PCDHGB7: variants seen among roughly 807,000 people sequenced by gnomAD.
PCDHGB7 encodes the protein protocadherin gamma subfamily B, 7.
PCDHGB7 carries 37 observed loss-of-function variants against 61.4 expected under a neutral mutation model. The observed-to-expected ratio is 0.60, with a 90% CI of 0.46 to 0.79. The LOEUF (loss-of-function observed/expected upper bound fraction) is 0.79, where lower values mean the gene tolerates loss of function less well. PCDHGB7 is among the 30% of genes least tolerant of loss of function. PCDHGB7 has a pLI of 0.00. For missense variants in PCDHGB7, 1,166 were observed against 1,202.5 expected, an observed-to-expected ratio of 0.97 and a Z score of 0.45; for synonymous variants, 464 against 503.5, an observed-to-expected ratio of 0.92 and a Z score of 1.05.
rs769607720 is a variant in PCDHGB7 at position 141,489,346 on chromosome 5, G to A, written c.2416-5461G>A. 4 of 1,611,652 alleles carry A rather than the reference G, an allele frequency of 2.5e-6. No individual in the cohort carries two copies. The highest frequency in any genetic ancestry group is 3.4e-6 in the Non-Finnish European group (4 of 1,178,446). On this transcript the variant is annotated intron_variant, in intron 1 of 3. Transcript: ENST00000398594. The surrounding 1 kb of genome is among the most constrained non-coding windows in gnomAD (Gnocchi z 4.5). Reference sequence around the variant, plus strand: ...GTCTGGGCAGCTTCGTTACTCAGTGGTGGAGGAGTCTGAGCCGGGGACGCT... The same window carrying A: ...GTCTGGGCAGCTTCGTTACTCAGTGATGGAGGAGTCTGAGCCGGGGACGCT...
rs763097687 is a variant in PCDHGB7 at position 141,489,361 on chromosome 5, C to G, written c.2416-5446C>G. On this transcript the variant is annotated intron_variant, in intron 1 of 3. Transcript: ENST00000398594. This position sits in a 1 kb window ranked among gnomAD's most constrained non-coding sequence, Gnocchi z 4.5. Reference sequence around the variant, plus strand: ...TTACTCAGTGGTGGAGGAGTCTGAGCCGGGGACGCTGGTGGGGAATGTTGC... The same window carrying G: ...TTACTCAGTGGTGGAGGAGTCTGAGGCGGGGACGCTGGTGGGGAATGTTGC... 6.2e-7 allele frequency: 1 copy of G among 1,612,762 alleles called. No homozygotes were observed. Among genetic ancestry groups the G allele is most frequent in the African/African-American group, 1.3e-5 (1 of 74,874 alleles).
intron 1 of PCDHGB7, among the ~76,000 whole-genome samples, chr5:141,492,559 C>G (rs533830391): frequency 2.0e-5 from 3 of 152,174 alleles, no homozygotes; most frequent in Non-Finnish European, 4.4e-5. Context: ...GCCTGGGGGG[C>G]GGCCTGAGCG....
intron 2 of PCDHGB7, 145 bp downstream of exon 2, chr5:141,495,010 G>GT: frequency 6.6e-7 from 1 of 1,516,970 alleles, no homozygotes; most frequent in East Asian, 2.5e-5. Flanking sequence ...GTGTGCGGGG[G>GT]GCTGGCACAC....
rs551289441 is a variant in PCDHGB7, at chr5:141,444,102, C to T, written c.2415+23828C>T. ...TGAAAAGTCTGCTAAGGATTGGAAACCAAGAAAAGTGAAGTATCTCAACAG... is the reference window on the plus strand; with the variant it reads ...TGAAAAGTCTGCTAAGGATTGGAAATCAAGAAAAGTGAAGTATCTCAACAG... On this transcript the variant is annotated intron_variant, in intron 1 of 3. Coordinates refer to ENST00000398594, the MANE Select transcript of PCDHGB7 (RefSeq NM_018927.4). Among the ~76,000 whole-genome samples the T allele has an allele frequency of 1.5e-3, 216 of 144,128 alleles. 1 individual carries two copies. Among genetic ancestry groups the T allele is most frequent in the African/African-American group, 5.4e-3 (211 of 38,798 alleles). 94.6% of individuals were successfully genotyped at this position (144,128 alleles called of 152,430 possible).
At position 141,477,550 on chromosome 5, in the gene PCDHGB7, C is replaced by T. The variant is rs1262360790; in HGVS notation, c.2416-17257C>T. The T allele has an allele frequency of 4.3e-6, 7 of 1,614,178 alleles. No homozygotes were observed. The highest frequency in any genetic ancestry group is 5.9e-6 in the Non-Finnish European group (7 of 1,180,036). On this transcript the variant is annotated intron_variant, in intron 1 of 3. Transcript: ENST00000398594. This position sits in a 1 kb window ranked among gnomAD's most constrained non-coding sequence, Gnocchi z 4.9. ...ACCTCCCCGGGGCTCCAATACTAAACCTAAGTGTCTGGGACCCCGACGCCC... is the reference window on the plus strand; with the variant it reads ...ACCTCCCCGGGGCTCCAATACTAAATCTAAGTGTCTGGGACCCCGACGCCC...
chr5:141,505,210 A>G (rs899138393), intron 2 of PCDHGB7, among the ~76,000 whole-genome samples, 183 bp from the exon 3 acceptor site: 3 of 152,192 alleles, frequency 2.0e-5, no homozygotes, highest in African/African-American at 7.2e-5. Flanking sequence ...GGTTTGAGGG[A>G]CTGACTTGTG....
intron 1 of PCDHGB7, among the ~76,000 whole-genome samples, chr5:141,468,797 C>T (rs191599825): frequency 0.01 from 1,525 of 151,876 alleles, 28 homozygotes; most frequent in African/African-American, 0.035. Flanking sequence ...ACCCGGGAGG[C>T]GGAACTTGCA....
At chr5:141,450,826 A>C (rs965147554) in intron 1 of PCDHGB7, among the ~76,000 whole-genome samples, 1 of 134,302 alleles carries the variant, frequency 7.4e-6, no homozygotes, top group African/African-American at 2.9e-5. Context: ...TATTATTATT[A>C]TTATTTTTTT....
chr5:141,457,172 T>C (rs1425263344), intron 1 of PCDHGB7, among the ~76,000 whole-genome samples: 1 of 152,212 alleles, frequency 6.6e-6, no homozygotes, highest in East Asian at 1.9e-4. Context: ...ATAACCCTAT[T>C]GCAAATAGTA....
rs1197249074 is a variant in PCDHGB7 at position 141,438,579 on chromosome 5, CATACATACATACATATATAT to C, written c.2415+18309_2415+18328del. ...AAGAGGCAGCTGTCTGATATACATACATACATACATACATATATATATATATATATATATATATATATATA... is the reference window on the plus strand; with the variant it reads ...AAGAGGCAGCTGTCTGATATACATACATATATATATATATATATATATATA... On this transcript the variant is annotated intron_variant, in intron 1 of 3. Transcript: ENST00000398594. Among the ~76,000 whole-genome samples the C allele has an allele frequency of 5.3e-3, 298 of 55,734 alleles. 1 individual carries two copies. Among genetic ancestry groups the C allele is most frequent in the Admixed American group, 0.022 (77 of 3,542 alleles). The allele number at this position is 55,734 out of a possible 152,430, so 36.6% of individuals were successfully genotyped here.
intron 1 of PCDHGB7, chr5:141,427,300 A>G: frequency 2.2e-6 from 1 of 456,912 alleles, no homozygotes; most frequent in Non-Finnish European, 4.4e-6. Flanking sequence ...CTAGATGAGA[A>G]TGACAATGCC....
At chr5:141,475,132 T>C (rs563015610) in intron 1 of PCDHGB7, among the ~76,000 whole-genome samples, 14 of 152,322 alleles carry the variant, frequency 9.2e-5, no homozygotes, top group African/African-American at 2.6e-4. Context: ...TTTTTTCTTT[T>C]TGAAATCTTC....
rs1173306822 is a variant in PCDHGB7, at chr5:141,431,115, T to G, written c.2415+10841T>G. The G allele has an allele frequency of 6.2e-7, 1 of 1,613,608 alleles. No homozygotes were observed. Among genetic ancestry groups the G allele is most frequent in the East Asian group, 2.2e-5 (1 of 44,840 alleles). ...GAGGATAAAGTGAAAATATATGGAG[T>G]AGAAGTAGAAGTAAGGGACATTAAC... On this transcript the variant is annotated intron_variant, in intron 1 of 3. Transcript: ENST00000398594. This position sits in a 1 kb window ranked among gnomAD's most constrained non-coding sequence, Gnocchi z 4.8.
intron 1 of PCDHGB7, among the ~76,000 whole-genome samples, chr5:141,463,944 T>C (rs1454454223): frequency 3.3e-5 from 5 of 152,158 alleles, no homozygotes; most frequent in African/African-American, 4.8e-5. Flanking sequence ...TTTATAGAAA[T>C]CTTCATTTTT....
intron 1 of PCDHGB7, among the ~76,000 whole-genome samples, chr5:141,464,827 C>T (rs529757361): frequency 1.5e-4 from 23 of 152,246 alleles, no homozygotes; most frequent in African/African-American, 4.6e-4. Flanking sequence ...TAGCCTCGCA[C>T]TCCTGGGCTC....
In PCDHGB7 at chr5:141,419,052, C is replaced by A. The variant is rs1017300472; in HGVS notation, c.1193C>A (p.Ser398Tyr). ...GTTCCATTTAAGATTCATTCTTCTT[C>A]TAATAATTACTACAAGCTAGTAACA... ...RGVPFKIHSS[S>Y]NNYYKLVTDE... The change falls in exon 1 of 4, where the codon TCT (serine) becomes TAT (tyrosine). Residue 398 changes from serine (S) to tyrosine (Y), a missense_variant. Ser to Tyr is a moderately radical substitution (Grantham distance 144). Transcript: ENST00000398594. The A allele has an allele frequency of 3.7e-6, 6 of 1,613,948 alleles. No individual in the cohort carries two copies. The highest frequency in any genetic ancestry group is 2.2e-5 in the East Asian group (1 of 44,882).
chr5:141,431,965 T>C lies in PCDHGB7; in HGVS notation c.2415+11691T>C, dbSNP rs765281339. The C allele has an allele frequency of 4.0e-5, 64 of 1,614,098 alleles. No homozygotes were observed. In the East Asian group the frequency reaches 4.9e-4, roughly 12 times the overall value. On this transcript the variant is annotated intron_variant, in intron 1 of 3. Transcript: ENST00000398594. This position sits in a 1 kb window ranked among gnomAD's most constrained non-coding sequence, Gnocchi z 4.8. Reference sequence around the variant, plus strand: ...TAGAAAAATCTTACGGAAATTACTATAGTTTAGTCACAGACATAGTCTTGG... The same window carrying C: ...TAGAAAAATCTTACGGAAATTACTACAGTTTAGTCACAGACATAGTCTTGG...
intron 1 of PCDHGB7, among the ~76,000 whole-genome samples, chr5:141,465,407 A>G (rs1019401245): frequency 6.6e-6 from 1 of 152,218 alleles, no homozygotes; most frequent in African/African-American, 2.4e-5. Flanking sequence ...AGAAGAAGCC[A>G]AATCAGCACT....
intron 1 of PCDHGB7, among the ~76,000 whole-genome samples, chr5:141,447,123 T>TTTTG (rs1327676720): frequency 6.6e-6 from 1 of 152,160 alleles, no homozygotes; most frequent in Admixed American, 6.6e-5. Context: ...CCATGGATTT[T>TTTTG]TTTGTTTGTT....
Sources: allele counts gnomAD v4.1 joint callset (sites outside exome capture counted in the v4.1 genomes callset), GRCh38; gene constraint gnomAD v4.1.1; non-coding constraint Gnocchi (gnomAD v3.1); transcripts MANE v1.5; gene names NCBI Gene and HGNC (gene_info 2026-07-23, HGNC 2026-07-21).